CLYBL: variants seen among roughly 807,000 people sequenced by gnomAD.
CLYBL encodes the protein citramalyl-CoA lyase.
CLYBL carries 31 observed loss-of-function variants against 38.9 expected under a neutral mutation model. That is an observed-to-expected ratio of 0.80 (90% confidence interval 0.60 to 1.08). CLYBL has a LOEUF of 1.08. Ranked by LOEUF, CLYBL falls within the 50% of genes least tolerant of loss-of-function variation. The pLI is 0.00. For missense variants in CLYBL, 434 were observed against 411.6 expected, an observed-to-expected ratio of 1.05 and a Z score of -0.47; for synonymous variants, 171 against 158.6, an observed-to-expected ratio of 1.08 and a Z score of -0.59.
chr13:99,616,088 G>A (rs2046704837), intron 1 of CLYBL, among the ~76,000 whole-genome samples: 2 of 148,970 alleles, frequency 1.3e-5, no homozygotes, highest in South Asian at 2.1e-4. Flanking sequence ...CTCGTGATCT[G>A]CCTGCCTTGG....
intron 1 of CLYBL, among the ~76,000 whole-genome samples, chr13:99,768,192 C>CTTTT (rs58499426): frequency 1.9e-3 from 190 of 102,694 alleles, no homozygotes; most frequent in African/African-American, 2.0e-3. Flanking sequence ...TTTTCTTTTT[C>CTTTT]TTTTTTTTTT....
intron 2 of CLYBL, among the ~76,000 whole-genome samples, chr13:99,789,537 G>A (rs2049872026): frequency 6.6e-6 from 1 of 152,182 alleles, no homozygotes. Context: ...CTGAGTTCTA[G>A]TTTGATTGCA....
At chr13:99,825,461 C>G (rs1319352124) in intron 2 of CLYBL, among the ~76,000 whole-genome samples, 1 of 152,140 alleles carries the variant, frequency 6.6e-6, no homozygotes, top group Non-Finnish European at 1.5e-5. Context: ...AAATGACACA[C>G]TTTTGTTCCA....
intron 2 of CLYBL, among the ~76,000 whole-genome samples, chr13:99,821,353 C>T (rs2050584683): frequency 1.3e-5 from 2 of 152,196 alleles, no homozygotes; most frequent in African/African-American, 4.8e-5. Flanking sequence ...CTAACCGTGC[C>T]TGGCATTTAG....
At chr13:99,811,453 C>T (rs960049049) in intron 2 of CLYBL, among the ~76,000 whole-genome samples, 2 of 152,118 alleles carry the variant, frequency 1.3e-5, no homozygotes, top group South Asian at 2.1e-4. Context: ...GAAGGGCCTC[C>T]CTTCCTCCAA....
At chr13:99,645,677 T>C (rs9557273) in intron 1 of CLYBL, among the ~76,000 whole-genome samples, 38,824 of 151,862 alleles carry the variant, frequency 0.26, 6,125 homozygotes, top group East Asian at 0.58. Context: ...ATTAGATTAT[T>C]AAATTTTTTT....
chr13:99,801,916 C>T (rs1336175184), intron 2 of CLYBL, among the ~76,000 whole-genome samples: 1 of 152,092 alleles, frequency 6.6e-6, no homozygotes, highest in Admixed American at 6.5e-5. Context: ...CTCGGGAGAC[C>T]GAGGCAGGAG....
chr13:99,810,903 A>T (rs927166412), intron 2 of CLYBL, among the ~76,000 whole-genome samples: 37 of 152,260 alleles, frequency 2.4e-4, no homozygotes, highest in African/African-American at 8.2e-4. Flanking sequence ...AGACCATTCC[A>T]GTTTTCTAAG....
At chr13:99,672,363 T>A (rs2047578768) in intron 1 of CLYBL, among the ~76,000 whole-genome samples, 1 of 152,116 alleles carries the variant, frequency 6.6e-6, no homozygotes, top group African/African-American at 2.4e-5. Context: ...TGCACTACTG[T>A]GCCTAGCTGC....
At chr13:99,826,189 T>G (rs1480450259) in intron 2 of CLYBL, among the ~76,000 whole-genome samples, 1 of 152,228 alleles carries the variant, frequency 6.6e-6, no homozygotes, top group Non-Finnish European at 1.5e-5. Context: ...ATTTTGTGAG[T>G]GTGGTCAACA....
At chr13:99,621,593 A>C (rs2046797851) in intron 1 of CLYBL, among the ~76,000 whole-genome samples, 2 of 152,016 alleles carry the variant, frequency 1.3e-5, no homozygotes, top group Admixed American at 6.5e-5. Context: ...CTCTTCTTTC[A>C]TTGTATTAGT....
At chr13:99,715,248 G>A (rs748055390) in intron 1 of CLYBL, among the ~76,000 whole-genome samples, 2 of 152,120 alleles carry the variant, frequency 1.3e-5, no homozygotes, top group African/African-American at 2.4e-5. Flanking sequence ...CACTCAGCCC[G>A]TTTCAGCTTT....
intron 1 of CLYBL, among the ~76,000 whole-genome samples, chr13:99,607,110 C>T (rs2046538882): frequency 6.6e-6 from 1 of 152,222 alleles, no homozygotes; most frequent in Admixed American, 6.5e-5. Flanking sequence ...GTTCGTTTAA[C>T]ACAGCGGTTC....
chr13:99,827,389 A>G (rs910865443), intron 2 of CLYBL, among the ~76,000 whole-genome samples: 14 of 152,180 alleles, frequency 9.2e-5, no homozygotes, highest in East Asian at 1.9e-4. Flanking sequence ...CAGTGAGTCA[A>G]TGGCCTCCAA....
chr13:99,703,527 G>A (rs919059245), intron 1 of CLYBL, among the ~76,000 whole-genome samples: 5 of 152,000 alleles, frequency 3.3e-5, no homozygotes, highest in Non-Finnish European at 4.4e-5. Context: ...ATGCCACCAT[G>A]CCCAGCTAAT....
chr13:99,811,752 C>T (rs192640515), intron 2 of CLYBL, among the ~76,000 whole-genome samples: 3 of 127,420 alleles, frequency 2.4e-5, no homozygotes, highest in Admixed American at 2.2e-4. Context: ...GAAAAATCCA[C>T]GAAACAAACA....
intron 1 of CLYBL, among the ~76,000 whole-genome samples, chr13:99,719,021 TA>T (rs2048357573): frequency 6.6e-6 from 1 of 151,732 alleles, no homozygotes; most frequent in Non-Finnish European, 1.5e-5. Context: ...TTTGTATTTT[TA>T]GTAGAGATTT....
intron 2 of CLYBL, among the ~76,000 whole-genome samples, chr13:99,794,538 T>G (rs533372894): frequency 1.3e-5 from 2 of 150,874 alleles, no homozygotes; most frequent in Non-Finnish European, 3.0e-5. Flanking sequence ...TTTAAAAATT[T>G]CATTTGCCAC....
At position 99,871,080 on chromosome 13, in the gene CLYBL, G is replaced by A; in HGVS notation, c.927+18G>A. ...TAGGAAAGGTAAATGTTTTGTTAAT[G>A]CCTTGGGTGAGAGCAGTATTGAAAA... On this transcript the variant is annotated intron_variant, in intron 7 of 8. Coordinates refer to ENST00000339105, the MANE Select transcript of CLYBL (RefSeq NM_206808.5). The A allele has an allele frequency of 6.2e-7, 1 of 1,612,924 alleles. No homozygotes were observed. Among genetic ancestry groups the A allele is most frequent in the Non-Finnish European group, 8.5e-7 (1 of 1,178,968 alleles).
Sources: gnomAD v4.1 joint callset for allele counts (sites outside exome capture counted in the v4.1 genomes callset) on GRCh38, gnomAD v4.1.1 for gene constraint, MANE v1.5 for transcripts, NCBI Gene and HGNC (gene_info 2026-07-23, HGNC 2026-07-21) for gene names.